SCHIP1: variants seen among roughly 807,000 people sequenced by gnomAD.
SCHIP1 encodes schwannomin-interacting protein 1.
SCHIP1 carries 8 observed loss-of-function variants against 29.7 expected under a neutral mutation model. The observed-to-expected ratio is 0.27, with a 90% CI of 0.16 to 0.49. The LOEUF is 0.49. Among genes scored for constraint, SCHIP1 ranks in the 20% least tolerant of loss-of-function variants. The probability of loss-of-function intolerance (pLI) is 0.99; values close to 1 mark genes in which losing one functional copy is unlikely to be tolerated. For missense variants in SCHIP1, 193 were observed against 294.6 expected (o/e 0.66, Z 2.52); for synonymous variants, 76 against 94.9 (o/e 0.80, Z 1.16).
chr3:159,695,325 A>G, the SCHIP1 span, among the ~76,000 whole-genome samples: 2 of 152,140 alleles, frequency 1.3e-5, no homozygotes, highest in African/African-American at 2.4e-5. Context: ...ACAGGCTTTC[A>G]TCTTACATTC....
the SCHIP1 span, among the ~76,000 whole-genome samples, chr3:159,798,490 G>A: frequency 1.3e-5 from 2 of 152,112 alleles, no homozygotes; most frequent in Admixed American, 6.5e-5. Flanking sequence ...AGGCGCAGTG[G>A]TTCACGCCCG....
At chr3:159,335,908 G>A in the SCHIP1 span, among the ~76,000 whole-genome samples, 2 of 152,184 alleles carry the variant, frequency 1.3e-5, no homozygotes, top group Non-Finnish European at 2.9e-5. Context: ...AGATCCCTGA[G>A]GAATCGCCAC....
chr3:159,342,897 A>T, the SCHIP1 span, among the ~76,000 whole-genome samples: 1 of 152,244 alleles, frequency 6.6e-6, no homozygotes, highest in African/African-American at 2.4e-5. Flanking sequence ...TAAATTAGTT[A>T]TGTAACCATA....
chr3:159,565,941 T>C, the SCHIP1 span, among the ~76,000 whole-genome samples: 1 of 152,226 alleles, frequency 6.6e-6, no homozygotes, highest in Non-Finnish European at 1.5e-5. Context: ...TCACTTACTC[T>C]ATATATGTCA....
At chr3:159,488,417 C>T in the SCHIP1 span, among the ~76,000 whole-genome samples, 2 of 151,934 alleles carry the variant, frequency 1.3e-5, no homozygotes, top group African/African-American at 2.4e-5. Context: ...CACTTTGTAT[C>T]GCTGTATCAA....
the SCHIP1 span, among the ~76,000 whole-genome samples, chr3:159,455,180 A>G: frequency 6.6e-6 from 1 of 152,182 alleles, no homozygotes; most frequent in African/African-American, 2.4e-5. Context: ...TGGGGAGGGC[A>G]ATCACCTAGC....
At chr3:159,472,470 G>A in the SCHIP1 span, among the ~76,000 whole-genome samples, 1 of 152,256 alleles carries the variant, frequency 6.6e-6, no homozygotes, top group East Asian at 1.9e-4. Context: ...TTTACATGCA[G>A]CAGCCTTTTA....
chr3:159,315,580 C>G, the SCHIP1 span, among the ~76,000 whole-genome samples: 1 of 151,668 alleles, frequency 6.6e-6, no homozygotes, highest in Non-Finnish European at 1.5e-5. Context: ...TATATCAGTT[C>G]TAAAGTAATG....
At chr3:159,692,163 C>T in the SCHIP1 span, among the ~76,000 whole-genome samples, 4 of 151,958 alleles carry the variant, frequency 2.6e-5, no homozygotes, top group African/African-American at 9.7e-5. Flanking sequence ...AACATTTTTT[C>T]CTTCATTTCA....
the SCHIP1 span, among the ~76,000 whole-genome samples, chr3:159,795,126 A>G: frequency 6.6e-6 from 1 of 152,218 alleles, no homozygotes; most frequent in Admixed American, 6.5e-5. Context: ...GTGGTTAATA[A>G]GTCCCTTAGC....
At chr3:159,339,359 T>C in the SCHIP1 span, among the ~76,000 whole-genome samples, 5 of 152,142 alleles carry the variant, frequency 3.3e-5, no homozygotes, top group Non-Finnish European at 5.9e-5. Flanking sequence ...AGAAACTCCT[T>C]GTTTTCACAT....
the SCHIP1 span, among the ~76,000 whole-genome samples, chr3:159,491,325 C>A: frequency 1.3e-5 from 2 of 152,254 alleles, no homozygotes; most frequent in African/African-American, 4.8e-5. Flanking sequence ...ACCCAGGAAG[C>A]ACAAGGGGTC....
chr3:159,804,763 ATG>A, the SCHIP1 span, among the ~76,000 whole-genome samples: 4 of 152,172 alleles, frequency 2.6e-5, no homozygotes, highest in African/African-American at 7.2e-5. Flanking sequence ...AGGCTTCAGA[ATG>A]TGTTTGTTTC....
At chr3:159,665,546 T>TTGTGTGTGTGTG in the SCHIP1 span, among the ~76,000 whole-genome samples, 3,708 of 147,540 alleles carry the variant, frequency 0.025, 73 homozygotes, top group East Asian at 0.063. Flanking sequence ...GTTTTTGGGG[T>TTGTGTGTGTGTG]TGTGTGTGTG....
At chr3:159,437,238 C>T in the SCHIP1 span, among the ~76,000 whole-genome samples, 1 of 152,058 alleles carries the variant, frequency 6.6e-6, no homozygotes, top group Admixed American at 6.6e-5. Flanking sequence ...ATTTGAGGGG[C>T]TCCAAGGATC....
At chr3:159,510,964 G>A in the SCHIP1 span, among the ~76,000 whole-genome samples, 18,002 of 152,186 alleles carry the variant, frequency 0.12, 1,074 homozygotes, top group South Asian at 0.14. Context: ...CTCAAACTCC[G>A]TGCTGGGAGA....
chr3:159,731,737 A>G, the SCHIP1 span, among the ~76,000 whole-genome samples: 1 of 152,248 alleles, frequency 6.6e-6, no homozygotes, highest in Non-Finnish European at 1.5e-5. Flanking sequence ...TAGAAGCAGA[A>G]GCCCTTTCAT....
At chr3:159,884,241 A>AT (rs1423906326) in intron 2 of SCHIP1, among the ~76,000 whole-genome samples, 2 of 151,732 alleles carry the variant, frequency 1.3e-5, no homozygotes, top group African/African-American at 2.4e-5. Flanking sequence ...GGTTGATTTT[A>AT]TTTTTTTAGA....
At chr3:159,635,882 T>C in the SCHIP1 span, among the ~76,000 whole-genome samples, 2 of 152,156 alleles carry the variant, frequency 1.3e-5, no homozygotes, top group Non-Finnish European at 2.9e-5. Flanking sequence ...AAAGTTATCA[T>C]TGTCTTAATA....
Sources: allele counts gnomAD v4.1 joint callset (sites outside exome capture counted in the v4.1 genomes callset), GRCh38; gene constraint gnomAD v4.1.1; transcripts MANE v1.5; gene names NCBI Gene and HGNC (gene_info 2026-07-23, HGNC 2026-07-21).